SLC12A7: variants seen among roughly 807,000 people sequenced by gnomAD.
SLC12A7 encodes the protein K-Cl cotransporter 4.
Under a neutral mutation model 120.6 loss-of-function variants are expected in SLC12A7, and 100 were observed. The observed-to-expected ratio is 0.83, with a 90% CI of 0.71 to 0.98. The LOEUF (loss-of-function observed/expected upper bound fraction) is 0.98. Among genes scored for constraint, SLC12A7 ranks in the 50% least tolerant of loss-of-function variants. The pLI, the probability that SLC12A7 is intolerant of heterozygous loss-of-function variation, is 0.00. For synonymous variants in SLC12A7, 760 were observed against 678.0 expected (o/e 1.12, Z -1.88); for missense variants, 1,373 against 1,548.1 (o/e 0.89, Z 1.90).
At chr5:1,153,298 C>T in the SLC12A7 span, among the ~76,000 whole-genome samples, 7 of 152,232 alleles carry the variant, frequency 4.6e-5, no homozygotes, top group African/African-American at 1.2e-4. Flanking sequence ...TAGGCCTGAA[C>T]GGGGTCTCCC....
At chr5:1,095,655 A>G (rs1400494273) in intron 1 of SLC12A7, among the ~76,000 whole-genome samples, 1 of 152,242 alleles carries the variant, frequency 6.6e-6, no homozygotes, top group African/African-American at 2.4e-5. Flanking sequence ...CCAAGACCTC[A>G]TCACTGCACC....
chr5:1,076,694 A>G lies in SLC12A7; in HGVS notation c.1748T>C (p.Met583Thr). The G allele has an allele frequency of 6.2e-7, 1 of 1,607,538 alleles. No individual in the cohort carries two copies. Among genetic ancestry groups the G allele is most frequent in the Non-Finnish European group, 8.5e-7 (1 of 1,177,160 alleles). The change falls in exon 13 of 24, where the codon ATG becomes ACG. Residue 583 changes from methionine to threonine, a missense_variant and splice_region_variant. Coordinates refer to ENST00000264930, the MANE Select transcript of SLC12A7 (RefSeq NM_006598.3). The part of the protein sequence containing the change: ...SLDSVAPILS[M>T]FFLMCYLFVN... The stretch of plus-strand genomic sequence containing the variant: ...AGGTCCCCGTCCTGTGGGGGCTCAC[A>G]TGGAGAGGATCGGGGCCACGCTGTC...
chr5:1,139,170 C>T, the SLC12A7 span, among the ~76,000 whole-genome samples: 13 of 152,356 alleles, frequency 8.5e-5, no homozygotes, highest in African/African-American at 3.1e-4. Context: ...CACCAGGTGG[C>T]TGCTGAGTCC....
intron 15 of SLC12A7, among the ~76,000 whole-genome samples, chr5:1,074,897 G>T (rs776648251): frequency 9.9e-5 from 15 of 152,130 alleles, no homozygotes; most frequent in African/African-American, 3.6e-4. Context: ...CGAGGTCTAC[G>T]TCCAGCATGC....
At chr5:1,087,714 C>T (rs912244547) in intron 5 of SLC12A7, among the ~76,000 whole-genome samples, 4 of 152,222 alleles carry the variant, frequency 2.6e-5, no homozygotes, top group South Asian at 2.1e-4. Context: ...CAAGCCCAGC[C>T]GTTAACACGC....
intron 1 of SLC12A7, among the ~76,000 whole-genome samples, chr5:1,106,226 G>A (rs1283017260): frequency 2.6e-5 from 4 of 152,220 alleles, no homozygotes; most frequent in African/African-American, 7.2e-5. Context: ...GCCGAAGTGG[G>A]CAGACCACTA....
At chr5:1,099,275 T>C (rs6871378) in intron 1 of SLC12A7, among the ~76,000 whole-genome samples, 60,457 of 94,958 alleles carry the variant, frequency 0.64, 19,856 homozygotes, top group African/African-American at 0.75. Context: ...GACATCAACC[T>C]AACCCGGACC....
chr5:1,150,762 C>T, the SLC12A7 span, among the ~76,000 whole-genome samples: 1 of 152,254 alleles, frequency 6.6e-6, no homozygotes, highest in Non-Finnish European at 1.5e-5. Flanking sequence ...GACGGCCGAG[C>T]TCCATGAAAT....
the SLC12A7 span, among the ~76,000 whole-genome samples, chr5:1,130,627 A>AC: frequency 3.6e-5 from 4 of 110,084 alleles, no homozygotes; most frequent in Non-Finnish European, 1.9e-5. Context: ...GGGTGGGGGC[A>AC]GCAGGGAGGG....
the SLC12A7 span, among the ~76,000 whole-genome samples, chr5:1,122,786 T>G: frequency 1.3e-5 from 2 of 152,270 alleles, no homozygotes. Context: ...GTCCACTGTC[T>G]GGACGGGCAC....
At chr5:1,093,117 T>C (rs1740705010) in intron 3 of SLC12A7, among the ~76,000 whole-genome samples, 2 of 152,142 alleles carry the variant, frequency 1.3e-5, no homozygotes, top group African/African-American at 2.4e-5. Flanking sequence ...CCAGGCTAAG[T>C]GTCCTGGACA....
Position 1,052,408 on chromosome 5 carries a change from G to A in SLC12A7, c.3204C>T (p.Val1068=), listed in dbSNP as rs1735139412. 6.2e-7 allele frequency: 1 copy of A among 1,612,948 alleles called. No homozygotes were observed. The highest frequency in any genetic ancestry group is 2.2e-5 in the East Asian group (1 of 44,890). ...LEVLTEGLNR[V]LLVRGGGREV... ...CCCGGCCGCCACCCCTGACCAGGAG[G>A]ACTCTGTTCAGCCCCTCGGTCAGGA... is the stretch of plus-strand genomic sequence containing the variant. Residue 1068 remains valine, a synonymous_variant, in exon 24 of 24, where the codon GTC becomes GTT. Coordinates refer to ENST00000264930, the MANE Select transcript of SLC12A7 (RefSeq NM_006598.3).
chr5:1,062,234 C>A (rs992205452), intron 20 of SLC12A7, among the ~76,000 whole-genome samples: 3 of 152,194 alleles, frequency 2.0e-5, no homozygotes, highest in Non-Finnish European at 4.4e-5. Flanking sequence ...AGTGGCCGCC[C>A]CACCTGGCCC....
In SLC12A7 at chr5:1,094,087, G is replaced by T. The variant is rs565877436; in HGVS notation, c.219+67C>A. ...AGGCCCCGGCCTGGGGGCCCCCAGG[G>T]GCTCCTTTACTTTTCCACATCAAAG... On this transcript the variant is annotated intron_variant, in intron 2 of 23. Transcript: ENST00000264930. The T allele has an allele frequency of 2.9e-6, 4 of 1,360,090 alleles. No homozygotes were observed. The South Asian group carries it at 4.7e-5, about 16-fold the overall frequency. The allele number at this position is 1,360,090 out of a possible 1,614,324, so 84.3% of individuals were successfully genotyped here.
At chr5:1,135,594 T>C in the SLC12A7 span, among the ~76,000 whole-genome samples, 1 of 152,134 alleles carries the variant, frequency 6.6e-6, no homozygotes, top group Non-Finnish European at 1.5e-5. Context: ...CCAAAACAAG[T>C]CTAGGGCGGT....
At chr5:1,093,843 C>T (rs1369256141) in intron 2 of SLC12A7, among the ~76,000 whole-genome samples, 188 bp from the exon 3 acceptor site, 3 of 152,222 alleles carry the variant, frequency 2.0e-5, no homozygotes, top group Non-Finnish European at 4.4e-5. Flanking sequence ...CCAGGCCTCA[C>T]TGAGTGGGGC....
the SLC12A7 span, among the ~76,000 whole-genome samples, chr5:1,130,702 G>A: frequency 2.0e-5 from 3 of 152,118 alleles, no homozygotes; most frequent in African/African-American, 7.2e-5. Context: ...GGAGCAGCGG[G>A]AGCTTCCAGC....
rs769123948 is a variant in SLC12A7 at position 1,112,012 on chromosome 5, C to CCCCGT, written c.-26_-22dup. 4.8e-6 allele frequency: 6 copies of CCCCGT among 1,259,332 alleles called. No individual in the cohort carries two copies. The highest frequency in any genetic ancestry group is 5.0e-6 in the Non-Finnish European group (5 of 1,002,034). 78.0% of individuals were successfully genotyped at this position (1,259,332 alleles called of 1,614,324 possible). On this transcript the variant is annotated 5_prime_UTR_variant, in exon 1 of 24. Transcript: ENST00000264930. Reference sequence around the variant, plus strand: ...GGCATGGCCGCCTGCAGCCGACAGTCCCCGTCCCGGCCCGGCCCGCGCTGC... The same window carrying CCCCGT: ...GGCATGGCCGCCTGCAGCCGACAGTCCCCGTCCCGTCCCGGCCCGGCCCGCGCTGC...
At chr5:1,131,304 G>C in the SLC12A7 span, among the ~76,000 whole-genome samples, 1 of 152,162 alleles carries the variant, frequency 6.6e-6, no homozygotes, top group Non-Finnish European at 1.5e-5. Flanking sequence ...CTGGGGCCTG[G>C]CACCACTTGC....
Sources: gnomAD v4.1 joint callset for allele counts (sites outside exome capture counted in the v4.1 genomes callset) on GRCh38, gnomAD v4.1.1 for gene constraint, MANE v1.5 for transcripts, NCBI Gene and HGNC (gene_info 2026-07-23, HGNC 2026-07-21) for gene names.